The following PTPRU variants were observed in gnomAD, a reference collection of about 807,000 sequenced individuals.
PTPRU encodes receptor-type tyrosine-protein phosphatase U.
In PTPRU, 69 loss-of-function variants were observed where a neutral mutation model predicts 166.3. The observed-to-expected ratio is 0.41, with a 90% CI of 0.34 to 0.51. The LOEUF (loss-of-function observed/expected upper bound fraction) is 0.51. PTPRU is among the 20% of genes least tolerant of loss of function. The pLI is 0.09. For missense variants in PTPRU, 1,657 were observed against 2,013.7 expected, an observed-to-expected ratio of 0.82 and a Z score of 3.39; for synonymous variants, 793 against 814.0, an observed-to-expected ratio of 0.97 and a Z score of 0.44.
At chr1:29,274,527 G>A (rs1478841897) in intron 7 of PTPRU, among the ~76,000 whole-genome samples, 5 of 152,068 alleles carry the variant, frequency 3.3e-5, no homozygotes, top group Non-Finnish European at 7.4e-5. Context: ...CTAATGTCAT[G>A]TATTTCTGTT....
At chr1:29,305,264 C>G (rs1276559173) in intron 17 of PTPRU, 88 bp from the exon 18 acceptor site, 2 of 1,323,516 alleles carry the variant, frequency 1.5e-6, no homozygotes, top group African/African-American at 1.4e-5. Context: ...TGCCTGTGCC[C>G]TATCCCCTAG....
intron 14 of PTPRU, among the ~76,000 whole-genome samples, chr1:29,290,885 G>A (rs145786328): frequency 0.011 from 1,658 of 152,340 alleles, 23 homozygotes; most frequent in African/African-American, 0.038. Flanking sequence ...GTTTGTTTCT[G>A]TAGCTCTTCT....
In PTPRU at chr1:29,275,616, G is replaced by C; in HGVS notation, c.1313G>C (p.Cys438Ser). ...AGCCACAACCAGACCATCCGAGAGT[G>C]TGTGAAGACAGAGCAAGGTGTCAGC... ...GSSHNQTIRE[C>S]VKTEQGVSRY... Residue 438 changes from cysteine (C) to serine (S), a missense_variant, in exon 8 of 30, where the codon TGT (cysteine) becomes TCT (serine). Around this residue, in one of 3 missense-constraint regions of PTPRU, gnomAD observed 1,190 missense variants for 1,477.4 expected, o/e 0.81. Coordinates refer to ENST00000373779, the MANE Select transcript of PTPRU (RefSeq NM_133178.4). 6.2e-7 allele frequency: 1 copy of C among 1,614,160 alleles called. No homozygotes were observed. Among genetic ancestry groups the C allele is most frequent in the Admixed American group, 1.7e-5 (1 of 60,016 alleles).
rs755752891 is a variant in PTPRU, at chr1:29,315,363, T to A, written c.3228-9T>A. The A allele has an allele frequency of 1.9e-6, 3 of 1,614,036 alleles. No homozygotes were observed. Among genetic ancestry groups the A allele is most frequent in the Non-Finnish European group, 2.5e-6 (3 of 1,180,014 alleles). ...GCTCTGACCTGGTCTGGGGCTGCTCTCTCTCCAGCGCGGGCACCGGCCGCA... is the reference window on the plus strand; with the variant it reads ...GCTCTGACCTGGTCTGGGGCTGCTCACTCTCCAGCGCGGGCACCGGCCGCA... On this transcript the variant is annotated splice_polypyrimidine_tract_variant and intron_variant, in intron 22 of 29. Transcript: ENST00000373779. The surrounding 1 kb of genome is among the most constrained non-coding windows in gnomAD (Gnocchi z 4.5).
intron 11 of PTPRU, among the ~76,000 whole-genome samples, chr1:29,281,452 T>C (rs754493837): frequency 6.6e-6 from 1 of 152,014 alleles, no homozygotes; most frequent in Non-Finnish European, 1.5e-5. Flanking sequence ...AGGATGATGA[T>C]TGCAAGGCTA....
chr1:29,261,020 TC>T, intron 7 of PTPRU, 117 bp downstream of exon 7: 1 of 1,178,426 alleles, frequency 8.5e-7, no homozygotes, highest in Non-Finnish European at 1.1e-6. Context: ...TTGTGATTTT[TC>T]CTCAACCCTT....
At position 29,259,926 on chromosome 1, in the gene PTPRU, C is replaced by T; in HGVS notation, c.732C>T (p.Arg244=). The change falls in exon 6 of 30, where the codon CGC becomes CGT. Residue 244 remains arginine, a synonymous_variant. Coordinates refer to ENST00000373779, the MANE Select transcript of PTPRU (RefSeq NM_133178.4). ...GCGTGCGGCACATCAGCCACCGGCG[C>T]TTCCTGGCCACTTTCCCGCTGGCTG... is the stretch of plus-strand genomic sequence containing the variant. ...AAGVRHISHR[R]FLATFPLAAV... is the part of the protein sequence containing the mutation. The T allele has an allele frequency of 1.3e-6, 2 of 1,534,504 alleles. No homozygotes were observed.
At chr1:29,283,833 C>G (rs986213910) in intron 12 of PTPRU, 107 bp from the exon 13 acceptor site, 1 of 1,370,134 alleles carries the variant, frequency 7.3e-7, no homozygotes, top group African/African-American at 1.4e-5. Context: ...GCCATCAGCA[C>G]AAGACAAAGC....
chr1:29,236,765 C>T lies in PTPRU; in HGVS notation c.73+48C>T. On this transcript the variant is annotated intron_variant, in intron 1 of 29. Transcript: ENST00000373779. This position sits in a 1 kb window ranked among gnomAD's most constrained non-coding sequence, Gnocchi z 4.6. ...GAGCCTGCCCCGCCGAGCCTCGGGG[C>T]CCGTGGCGTAGCTCGGAAGAAAGTG... is the stretch of plus-strand genomic sequence containing the variant. 3 of 1,372,346 alleles carry T rather than the reference C, an allele frequency of 2.2e-6. No individual in the cohort carries two copies. Among genetic ancestry groups the T allele is most frequent in the Non-Finnish European group, 2.8e-6 (3 of 1,061,054 alleles). The allele number at this position is 1,372,346 out of a possible 1,614,324, so 85.0% of individuals were successfully genotyped here. A position where few individuals can be genotyped will look rare whatever the true frequency, so the allele number is the denominator to read the frequency against.
At chr1:29,249,921 G>A (rs2151941585) in intron 1 of PTPRU, among the ~76,000 whole-genome samples, 1 of 152,222 alleles carries the variant, frequency 6.6e-6, no homozygotes, top group African/African-American at 2.4e-5. Flanking sequence ...TGGCGTTCAG[G>A]GTCCTCCATG....
chr1:29,289,634 G>A (rs1426603639), intron 14 of PTPRU: 1 of 1,612,776 alleles, frequency 6.2e-7, no homozygotes, highest in East Asian at 2.2e-5. Flanking sequence ...CGGCCTTGGT[G>A]GACGGACCTC....
intron 22 of PTPRU, among the ~76,000 whole-genome samples, chr1:29,314,170 G>T (rs1319473792): frequency 6.6e-6 from 1 of 152,174 alleles, no homozygotes; most frequent in Non-Finnish European, 1.5e-5. Flanking sequence ...CATTTGGGTT[G>T]TTTCCAGTCT....
chr1:29,277,440 T>C (rs982576971), intron 8 of PTPRU, among the ~76,000 whole-genome samples: 1 of 152,224 alleles, frequency 6.6e-6, no homozygotes, highest in Non-Finnish European at 1.5e-5. Context: ...TATTATTGAT[T>C]TCTAGGTTAA....
chr1:29,250,572 C>T (rs1025762245), intron 1 of PTPRU, among the ~76,000 whole-genome samples: 7 of 152,196 alleles, frequency 4.6e-5, no homozygotes, highest in Admixed American at 6.5e-5. Context: ...GAGGATTCAC[C>T]GGCTCAGGTG....
At chr1:29,318,401 T>A (rs966513331) in intron 25 of PTPRU, among the ~76,000 whole-genome samples, 1 of 152,184 alleles carries the variant, frequency 6.6e-6, no homozygotes, top group Admixed American at 6.5e-5. Flanking sequence ...AGAAGTCTCT[T>A]TCCCTGCTTC....
chr1:29,289,836 C>G (rs548973499), intron 14 of PTPRU: 4 of 1,074,512 alleles, frequency 3.7e-6, no homozygotes, highest in Non-Finnish European at 5.6e-6. Context: ...ACCCGGTTCT[C>G]TCTGGTCACC....
At chr1:29,299,715 C>T (rs1390532986) in intron 15 of PTPRU, among the ~76,000 whole-genome samples, 1 of 152,204 alleles carries the variant, frequency 6.6e-6, no homozygotes, top group Non-Finnish European at 1.5e-5. Context: ...CCTTTCTCTG[C>T]CAGGAGAGCT....
At chr1:29,314,830 C>T (rs1248084508) in intron 22 of PTPRU, among the ~76,000 whole-genome samples, 12 of 152,268 alleles carry the variant, frequency 7.9e-5, no homozygotes, top group African/African-American at 1.9e-4. Flanking sequence ...CCACCCACTT[C>T]GGCCTCCCAG....
At position 29,258,588 on chromosome 1, in the gene PTPRU, AC is replaced by A; in HGVS notation, c.292del (p.His98ThrfsTer38). 1 of 1,614,204 alleles carries A rather than the reference AC, an allele frequency of 6.2e-7. No homozygotes were observed. On this transcript the variant is annotated frameshift_variant, in exon 3 of 30. Transcript: ENST00000373779. LOFTEE classifies it high-confidence loss of function. The part of the protein sequence containing the change: ...VIFQSLSEND[T>X]HCVQFSYFLY... ...CTTCCAGAGCCTGAGCGAGAATGAT[AC>A]CCACTGTGTGCAGTTCAGCTACTTC...
Sources: allele counts gnomAD v4.1 joint callset (sites outside exome capture counted in the v4.1 genomes callset), GRCh38; gene constraint gnomAD v4.1.1; regional missense constraint gnomAD v4.1.1; non-coding constraint Gnocchi (gnomAD v3.1); transcripts MANE v1.5; gene names NCBI Gene and HGNC (gene_info 2026-07-23, HGNC 2026-07-21).